The following NKAIN3 variants were observed in gnomAD, a reference collection of about 807,000 sequenced individuals.
NKAIN3 encodes the protein sodium/potassium transporting ATPase interacting 3.
In NKAIN3, 25 loss-of-function variants were observed where a neutral mutation model predicts 30.2. The ratio of observed to expected loss-of-function variants is 0.83; its 90% CI spans 0.60 to 1.16. The LOEUF is 1.16. Among genes scored for constraint, NKAIN3 ranks in the 50% most tolerant of loss-of-function variants. NKAIN3 has a pLI of 0.00. For synonymous variants in NKAIN3, 91 were observed against 89.6 expected (o/e 1.02, Z -0.09); for missense variants, 225 against 254.1 (o/e 0.89, Z 0.78).
chr8:62,324,719 C>A (rs2129589663), intron 1 of NKAIN3, among the ~76,000 whole-genome samples: 1 of 152,142 alleles, frequency 6.6e-6, no homozygotes, highest in South Asian at 2.1e-4. Flanking sequence ...ACATTTAAAC[C>A]ATTTTAACTG....
At chr8:62,522,112 C>T (rs530370618) in intron 1 of NKAIN3, among the ~76,000 whole-genome samples, 44 of 152,212 alleles carry the variant, frequency 2.9e-4, no homozygotes, top group African/African-American at 1.1e-3. Context: ...GGTTAGATCT[C>T]ATCATATTCA....
At chr8:62,271,336 G>A (rs184387823) in intron 1 of NKAIN3, among the ~76,000 whole-genome samples, 43 of 152,270 alleles carry the variant, frequency 2.8e-4, no homozygotes, top group Middle Eastern at 3.4e-3. Context: ...GTAGGTGGCC[G>A]CCAAATTGGG....
intron 5 of NKAIN3, among the ~76,000 whole-genome samples, chr8:62,952,571 C>G (rs533954837): frequency 6.6e-6 from 1 of 152,206 alleles, no homozygotes; most frequent in South Asian, 2.1e-4. Context: ...GTAAATCAAC[C>G]TAAGTTTCTT....
chr8:62,771,347 A>AT (rs1817003528), intron 4 of NKAIN3, among the ~76,000 whole-genome samples: 1 of 151,542 alleles, frequency 6.6e-6, no homozygotes, highest in Admixed American at 6.6e-5. Context: ...AAAGAAAGAG[A>AT]TTTTTAAATG....
At chr8:62,331,542 C>T (rs1355361464) in intron 1 of NKAIN3, among the ~76,000 whole-genome samples, 2 of 152,176 alleles carry the variant, frequency 1.3e-5, no homozygotes, top group South Asian at 2.1e-4. Context: ...TGCATTCAAA[C>T]ATTCTGCTTA....
At chr8:62,385,728 A>T (rs528552021) in intron 1 of NKAIN3, among the ~76,000 whole-genome samples, 2 of 152,194 alleles carry the variant, frequency 1.3e-5, no homozygotes, top group South Asian at 4.1e-4. Flanking sequence ...GGAACTACTG[A>T]TGTGTTCTTT....
chr8:62,550,978 T>C (rs1236760062), intron 1 of NKAIN3, among the ~76,000 whole-genome samples: 1 of 152,166 alleles, frequency 6.6e-6, no homozygotes, highest in East Asian at 1.9e-4. Context: ...TGCACTGCAG[T>C]TTTTGTATGG....
chr8:62,658,238 C>A (rs1812823843), intron 3 of NKAIN3, among the ~76,000 whole-genome samples: 1 of 152,118 alleles, frequency 6.6e-6, no homozygotes, highest in African/African-American at 2.4e-5. Context: ...CTCTTAATCT[C>A]CCCGGGCATT....
intron 1 of NKAIN3, among the ~76,000 whole-genome samples, chr8:62,485,452 G>T: frequency 6.6e-6 from 1 of 152,288 alleles, no homozygotes; most frequent in East Asian, 1.9e-4. Flanking sequence ...TCCTTCAGTA[G>T]ATGTTATTGT....
intron 1 of NKAIN3, among the ~76,000 whole-genome samples, chr8:62,521,468 G>A (rs1478139469): frequency 6.6e-6 from 1 of 152,100 alleles, no homozygotes; most frequent in Non-Finnish European, 1.5e-5. Context: ...TTTTCAATGG[G>A]CAGTAAATCC....
chr8:62,682,798 C>T (rs1168331603), intron 3 of NKAIN3, among the ~76,000 whole-genome samples: 1 of 152,056 alleles, frequency 6.6e-6, no homozygotes, highest in Non-Finnish European at 1.5e-5. Flanking sequence ...CTGGGAACCA[C>T]ACCCCCATCC....
intron 1 of NKAIN3, among the ~76,000 whole-genome samples, chr8:62,529,528 A>T (rs1808422277): frequency 6.6e-6 from 1 of 152,020 alleles, no homozygotes; most frequent in African/African-American, 2.4e-5. Flanking sequence ...CTTGTAAAAG[A>T]TATCCAGAGA....
intron 5 of NKAIN3, among the ~76,000 whole-genome samples, chr8:62,923,752 A>G (rs184653336): frequency 3.5e-4 from 54 of 152,278 alleles, no homozygotes; most frequent in African/African-American, 1.3e-3. Flanking sequence ...GTTACTGTCA[A>G]AGAGTGGGGA....
At chr8:62,603,008 AG>A (rs1811028813) in intron 3 of NKAIN3, among the ~76,000 whole-genome samples, 2 of 152,150 alleles carry the variant, frequency 1.3e-5, no homozygotes, top group South Asian at 4.1e-4. Flanking sequence ...ACACTTTTAT[AG>A]CTTATATTCA....
chr8:62,930,922 T>A (rs985692809), intron 5 of NKAIN3, among the ~76,000 whole-genome samples: 2 of 151,920 alleles, frequency 1.3e-5, no homozygotes, highest in African/African-American at 4.8e-5. Context: ...TTAGCCAGGA[T>A]GATCTCAATC....
intron 3 of NKAIN3, among the ~76,000 whole-genome samples, chr8:62,623,257 G>C (rs1326359776): frequency 1.3e-5 from 2 of 151,872 alleles, no homozygotes; most frequent in Non-Finnish European, 2.9e-5. Context: ...AGAGGTCTTT[G>C]ACCAACCAAG....
chr8:62,299,935 T>C (rs1339300539), intron 1 of NKAIN3, among the ~76,000 whole-genome samples: 4 of 152,152 alleles, frequency 2.6e-5, no homozygotes, highest in Admixed American at 2.0e-4. Flanking sequence ...CTGCTTTAAA[T>C]TGTAGTGTGG....
At position 62,579,540 on chromosome 8, in the gene NKAIN3, T is replaced by G. The variant is rs1810226733; in HGVS notation, c.56T>G (p.Val19Gly). ...SLICLCALQL[V>G]SALERQIFDF... ...ATGAACTTTCTTTTTTTGTTGTAGG[T>G]CTCAGCATTAGAGAGGCAGATCTTT... Residue 19 changes from valine (V) to glycine (G), a missense_variant and splice_region_variant, in exon 2 of 7, where the codon GTC becomes GGC. Val to Gly is a moderately radical substitution (Grantham distance 109, BLOSUM62 -3). Coordinates refer to ENST00000623646, the MANE Select transcript of NKAIN3 (RefSeq NM_001304533.3). 6.2e-7 allele frequency: 1 copy of G among 1,600,270 alleles called. No homozygotes were observed. The highest frequency in any genetic ancestry group is 1.4e-5 in the African/African-American group (1 of 73,872).
chr8:62,331,052 A>C (rs1159540590), intron 1 of NKAIN3, among the ~76,000 whole-genome samples: 401 of 114,718 alleles, frequency 3.5e-3, no homozygotes, highest in Middle Eastern at 5.4e-3. Context: ...CTCCTCTTCT[A>C]CCTCCTCCTC....
Sources: gnomAD v4.1 joint callset for allele counts (sites outside exome capture counted in the v4.1 genomes callset) on GRCh38, gnomAD v4.1.1 for gene constraint, MANE v1.5 for transcripts, NCBI Gene and HGNC (gene_info 2026-07-23, HGNC 2026-07-21) for gene names.